Variants in GABRB3 observed in about 807,000 individuals in gnomAD.
GABRB3 encodes gamma-aminobutyric acid type A receptor subunit beta3, also known as gamma-aminobutyric acid receptor subunit beta-3.
A neutral mutation model predicts 52.1 loss-of-function variants in GABRB3; 14 were observed. The ratio of observed to expected loss-of-function variants is 0.27; its 90% CI spans 0.18 to 0.42. The LOEUF (loss-of-function observed/expected upper bound fraction) is 0.42. Among genes scored for constraint, GABRB3 ranks in the 10% least tolerant of loss-of-function variants. The pLI, the probability that GABRB3 is intolerant of heterozygous loss-of-function variation, is 1.00. For missense variants in GABRB3, 307 were observed against 609.1 expected (o/e 0.50, Z 5.22); for synonymous variants, 260 against 232.3 (o/e 1.12, Z -1.08).
At chr15:26,596,006 T>C (rs895878270) in intron 4 of GABRB3, among the ~76,000 whole-genome samples, 3 of 152,098 alleles carry the variant, frequency 2.0e-5, no homozygotes, top group Non-Finnish European at 4.4e-5. Flanking sequence ...ACAAACTGGA[T>C]TTGTCAGCCT....
intron 3 of GABRB3, among the ~76,000 whole-genome samples, chr15:26,685,932 G>A (rs1210495392): frequency 6.6e-6 from 1 of 151,532 alleles, no homozygotes; most frequent in Non-Finnish European, 1.5e-5. Context: ...AGCTTCCCAC[G>A]TAGCTAGGAT....
chr15:26,622,859 G>A (rs1425354266), intron 3 of GABRB3, among the ~76,000 whole-genome samples: 1 of 152,122 alleles, frequency 6.6e-6, no homozygotes, highest in Non-Finnish European at 1.5e-5. Flanking sequence ...AACAAAATAC[G>A]TTTTTAAGCT....
chr15:26,709,858 C>T (rs1229815084), intron 3 of GABRB3, among the ~76,000 whole-genome samples: 1 of 152,142 alleles, frequency 6.6e-6, no homozygotes, highest in African/African-American at 2.4e-5. Flanking sequence ...CTCCAGTATT[C>T]CTTTATAGCA....
chr15:26,548,689 G>T (rs966381843), intron 8 of GABRB3, among the ~76,000 whole-genome samples: 2 of 152,132 alleles, frequency 1.3e-5, no homozygotes, highest in Admixed American at 1.3e-4. Context: ...CCCAATACTG[G>T]TTCTGGCAGG....
chr15:26,754,688 T>G (rs565273797), intron 3 of GABRB3, among the ~76,000 whole-genome samples: 1 of 152,258 alleles, frequency 6.6e-6, no homozygotes, highest in Admixed American at 6.5e-5. Context: ...AATGGTTCAC[T>G]AAACAACACC....
chr15:26,618,049 A>G (rs909368095), intron 4 of GABRB3, among the ~76,000 whole-genome samples: 1 of 152,228 alleles, frequency 6.6e-6, no homozygotes, highest in Non-Finnish European at 1.5e-5. Flanking sequence ...TTCCATGCTC[A>G]TGGGCAGGAA....
chr15:26,716,812 ACCACAGCCCAGCTC>A (rs1595548158), intron 3 of GABRB3: 3 of 1,147,524 alleles, frequency 2.6e-6, no homozygotes, highest in African/African-American at 3.6e-5. Flanking sequence ...CCTCCACCCA[ACCACAGCCCAGCTC>A]TGAGGACCTC....
intron 3 of GABRB3, among the ~76,000 whole-genome samples, chr15:26,623,787 G>A (rs893270600): frequency 1.3e-5 from 2 of 151,940 alleles, no homozygotes; most frequent in Admixed American, 6.6e-5. Context: ...TGCACACCCC[G>A]TGTCACCCAT....
chr15:26,643,962 C>G (rs1210522458), intron 3 of GABRB3, among the ~76,000 whole-genome samples: 1 of 152,180 alleles, frequency 6.6e-6, no homozygotes, highest in East Asian at 1.9e-4. Flanking sequence ...GAGGCAGACA[C>G]TGACAAACAT....
At chr15:26,627,870 T>C (rs1372621503) in intron 3 of GABRB3, among the ~76,000 whole-genome samples, 2 of 152,234 alleles carry the variant, frequency 1.3e-5, no homozygotes, top group African/African-American at 2.4e-5. Flanking sequence ...GAAGAAGTTC[T>C]ACTCTGGGTA....
chr15:26,726,130 A>G (rs913558115), intron 3 of GABRB3, among the ~76,000 whole-genome samples: 13 of 29,084 alleles, frequency 4.5e-4, no homozygotes, highest in African/African-American at 1.3e-3. Context: ...CCTTGGGGAT[A>G]CTGAACTGTA....
At chr15:26,682,632 C>T (rs1888273702) in intron 3 of GABRB3, among the ~76,000 whole-genome samples, 1 of 152,192 alleles carries the variant, frequency 6.6e-6, no homozygotes, top group Admixed American at 6.5e-5. Context: ...AGCAGGGTGA[C>T]TTGGAGTAGA....
chr15:26,671,412 G>T (rs1274980037), intron 3 of GABRB3, among the ~76,000 whole-genome samples: 1 of 152,176 alleles, frequency 6.6e-6, no homozygotes, highest in East Asian at 1.9e-4. Context: ...CCACAGTTGT[G>T]CCGGAAGGAC....
At chr15:26,679,755 C>T (rs1888180304) in intron 3 of GABRB3, among the ~76,000 whole-genome samples, 1 of 152,076 alleles carries the variant, frequency 6.6e-6, no homozygotes, top group South Asian at 2.1e-4. Flanking sequence ...GGGCAACTTG[C>T]TCTTCCCTGC....
At chr15:26,724,571 G>A (rs754737552) in intron 3 of GABRB3, among the ~76,000 whole-genome samples, 9 of 152,144 alleles carry the variant, frequency 5.9e-5, no homozygotes, top group Non-Finnish European at 1.3e-4. Context: ...CAACCATGGA[G>A]TGGTTGGCGC....
intron 4 of GABRB3, among the ~76,000 whole-genome samples, chr15:26,618,800 T>C (rs1892365704): frequency 6.6e-6 from 1 of 151,822 alleles, no homozygotes; most frequent in African/African-American, 2.4e-5. Context: ...GAATCCACAA[T>C]GAACTCAAAC....
chr15:26,711,592 C>A (rs571720037), intron 3 of GABRB3, among the ~76,000 whole-genome samples: 1 of 152,120 alleles, frequency 6.6e-6, no homozygotes, highest in South Asian at 2.1e-4. Context: ...CCCAGGCTCC[C>A]CATCTCCCAT....
At chr15:26,721,698 C>T in intron 3 of GABRB3, among the ~76,000 whole-genome samples, 1 of 151,862 alleles carries the variant, frequency 6.6e-6, no homozygotes, top group Admixed American at 6.6e-5. Flanking sequence ...TCCTACCTAC[C>T]TAAGGGAAAG....
chr15:26,749,825 G>A (rs1890453972), intron 3 of GABRB3: 1 of 152,188 alleles, frequency 6.6e-6, no homozygotes. Flanking sequence ...TCCCAGAGCA[G>A]TATCTGGGAT....
Sources: gnomAD v4.1 joint callset for allele counts (sites outside exome capture counted in the v4.1 genomes callset) on GRCh38, gnomAD v4.1.1 for gene constraint, MANE v1.5 for transcripts, NCBI Gene and HGNC (gene_info 2026-07-23, HGNC 2026-07-21) for gene names.